GPR89B: variants seen among roughly 807,000 people sequenced by gnomAD.
GPR89B encodes G protein-coupled receptor 89B.
In GPR89B, 25 loss-of-function variants were observed where a neutral mutation model predicts 52.4. The observed-to-expected ratio is 0.48, with a 90% CI of 0.35 to 0.67. GPR89B has a LOEUF of 0.67. Among genes scored for constraint, GPR89B ranks in the 30% least tolerant of loss-of-function variants. The probability of loss-of-function intolerance (pLI) is 0.01; values close to 1 mark genes in which losing one functional copy is unlikely to be tolerated. For missense variants in GPR89B, 146 were observed against 450.2 expected, an observed-to-expected ratio of 0.32 and a Z score of 6.11; for synonymous variants, 52 against 151.2, an observed-to-expected ratio of 0.34 and a Z score of 4.81.
chr1:147,981,071 C>A (rs1423187858), intron 10 of GPR89B, among the ~76,000 whole-genome samples: 1 of 151,598 alleles, frequency 6.6e-6, no homozygotes, highest in East Asian at 1.9e-4. Context: ...AGTATATATT[C>A]TTTTTCATAG....
chr1:147,941,878 GT>G (rs1361139308), intron 3 of GPR89B, among the ~76,000 whole-genome samples: 1 of 151,580 alleles, frequency 6.6e-6, no homozygotes, highest in Non-Finnish European at 1.5e-5. Context: ...TACCATTGTT[GT>G]TCATATTTCC....
chr1:147,968,728 A>C lies in GPR89B; in HGVS notation c.728-147A>C, dbSNP rs1365088174. On this transcript the variant is annotated intron_variant, in intron 8 of 13. Transcript: ENST00000314163. ...TCAGAGGTTGGGAAAGTTGCTCTGAAGTAGTGTTGCTGGCTATGAAACAGG... is the reference window on the plus strand; with the variant it reads ...TCAGAGGTTGGGAAAGTTGCTCTGACGTAGTGTTGCTGGCTATGAAACAGG... 3.9e-6 allele frequency: 5 copies of C among 1,272,270 alleles called. No homozygotes were observed. In the African/African-American group the frequency reaches 7.4e-5, roughly 19 times the overall value. 78.8% of individuals were successfully genotyped at this position (1,272,270 alleles called of 1,614,324 possible). A position where few individuals can be genotyped will look rare whatever the true frequency, so the allele number is the denominator to read the frequency against.
At chr1:147,996,270 T>G (rs1659316024), downstream of GPR89B, among the ~76,000 whole-genome samples, 2 of 150,608 alleles carry the variant, frequency 1.3e-5, no homozygotes, top group Non-Finnish European at 3.0e-5. Flanking sequence ...TGATAGTGAC[T>G]GTCAACTAGA....
At chr1:147,985,411 C>A (rs2149092295) in intron 10 of GPR89B, among the ~76,000 whole-genome samples, 1 of 152,058 alleles carries the variant, frequency 6.6e-6, no homozygotes, top group South Asian at 2.1e-4. Flanking sequence ...TTTATCCAAT[C>A]TAACAACCTC....
At chr1:147,958,357 A>G (rs1401828449) in intron 7 of GPR89B, among the ~76,000 whole-genome samples, 20 of 151,882 alleles carry the variant, frequency 1.3e-4, no homozygotes, top group African/African-American at 4.8e-4. Flanking sequence ...ATATAAAGAA[A>G]TGAATATATA....
At chr1:148,015,253 C>A in the GPR89B span, among the ~76,000 whole-genome samples, 1 of 142,098 alleles carries the variant, frequency 7.0e-6, no homozygotes, top group Admixed American at 7.2e-5. Flanking sequence ...GTCTCCCATA[C>A]GACATGAGGA....
intron 10 of GPR89B, among the ~76,000 whole-genome samples, chr1:147,982,041 T>G (rs1658293975): frequency 1.3e-5 from 2 of 151,722 alleles, no homozygotes; most frequent in Admixed American, 1.3e-4. Flanking sequence ...GCTAAGTATA[T>G]GTTTAACCTT....
chr1:147,970,491 A>ATCTCTCTCTCTCTCTCCCTCCCTCTC (rs1558058762), intron 10 of GPR89B, among the ~76,000 whole-genome samples: 183 of 105,708 alleles, frequency 1.7e-3, no homozygotes, highest in Middle Eastern at 5.9e-3. Flanking sequence ...GTGAGACTCC[A>ATCTCTCTCTCTCTCTCCCTCCCTCTC]TCTCTCTCTC....
chr1:147,956,362 G>A (rs1386756175), intron 7 of GPR89B, among the ~76,000 whole-genome samples: 1 of 152,194 alleles, frequency 6.6e-6, no homozygotes, highest in Non-Finnish European at 1.5e-5. Flanking sequence ...ATTCATGATT[G>A]CCTTGGCAAT....
At chr1:147,947,199 G>T (rs1655045327) in intron 5 of GPR89B, among the ~76,000 whole-genome samples, 2 of 152,214 alleles carry the variant, frequency 1.3e-5, no homozygotes, top group South Asian at 4.1e-4. Flanking sequence ...GCCAGGCATG[G>T]TGGTGCATGC....
the GPR89B span, among the ~76,000 whole-genome samples, chr1:148,021,531 C>A: frequency 1.3e-5 from 2 of 151,204 alleles, no homozygotes. Flanking sequence ...GGGGCGGACA[C>A]AAGCAGTGGT....
chr1:147,972,256 G>A (rs1657526272), intron 10 of GPR89B, among the ~76,000 whole-genome samples: 1 of 151,242 alleles, frequency 6.6e-6, no homozygotes, highest in African/African-American at 2.4e-5. Flanking sequence ...TTTCCAGTTG[G>A]GGGATATTAC....
chr1:147,955,176 A>C (rs1281558819), intron 7 of GPR89B, among the ~76,000 whole-genome samples: 1 of 151,756 alleles, frequency 6.6e-6, no homozygotes, highest in East Asian at 1.9e-4. Flanking sequence ...TTCTGTGTCC[A>C]ACTCATTTTG....
chr1:147,946,636 A>G (rs1231836155), intron 5 of GPR89B, among the ~76,000 whole-genome samples: 1 of 152,162 alleles, frequency 6.6e-6, no homozygotes, highest in East Asian at 1.9e-4. Flanking sequence ...TCTCACATGC[A>G]CTACAAAGAC....
chr1:147,981,580 A>C (rs1241641753), intron 10 of GPR89B, among the ~76,000 whole-genome samples: 1 of 150,472 alleles, frequency 6.6e-6, no homozygotes, highest in Non-Finnish European at 1.5e-5. Flanking sequence ...TCCATTTATT[A>C]GTTGATGTAC....
chr1:147,998,574 A>G (rs1174307606), downstream of GPR89B, among the ~76,000 whole-genome samples: 2 of 152,104 alleles, frequency 1.3e-5, no homozygotes, highest in Non-Finnish European at 2.9e-5. Flanking sequence ...AAAGTGCAAT[A>G]ACATTTAAAA....
intron 10 of GPR89B, among the ~76,000 whole-genome samples, chr1:147,971,976 C>G (rs1157524853): frequency 1.3e-5 from 2 of 151,918 alleles, no homozygotes; most frequent in Non-Finnish European, 2.9e-5. Flanking sequence ...TAATGCCTCT[C>G]TCCCACACCT....
At chr1:147,983,343 A>G (rs1246384479) in intron 10 of GPR89B, among the ~76,000 whole-genome samples, 5 of 152,092 alleles carry the variant, frequency 3.3e-5, no homozygotes, top group African/African-American at 9.7e-5. Flanking sequence ...AATTAAACTA[A>G]AGAGCTTCTG....
At chr1:147,946,378 C>T (rs1558040616) in intron 5 of GPR89B, among the ~76,000 whole-genome samples, 1 of 151,896 alleles carries the variant, frequency 6.6e-6, no homozygotes, top group Non-Finnish European at 1.5e-5. Flanking sequence ...AATTGAGTCT[C>T]TCCAAAGTGG....
Sources: gnomAD v4.1 joint callset for allele counts (sites outside exome capture counted in the v4.1 genomes callset) on GRCh38, gnomAD v4.1.1 for gene constraint, MANE v1.5 for transcripts, NCBI Gene and HGNC (gene_info 2026-07-23, HGNC 2026-07-21) for gene names.